The following EPB41L2 variants were observed in gnomAD, a reference collection of about 807,000 sequenced individuals.
EPB41L2 encodes erythrocyte membrane protein band 4.1 like 2, also known as band 4.1-like protein 2.
In EPB41L2, 43 loss-of-function variants were observed where a neutral mutation model predicts 113.0. That is an observed-to-expected ratio of 0.38 (90% CI 0.30 to 0.49). The LOEUF (loss-of-function observed/expected upper bound fraction) is 0.49, where lower values mean the gene tolerates loss of function less well. EPB41L2 is among the 20% of genes least tolerant of loss of function. The pLI is 0.95. For missense variants in EPB41L2, 1,147 were observed against 1,223.4 expected, an observed-to-expected ratio of 0.94 and a Z score of 0.93; for synonymous variants, 442 against 436.7, an observed-to-expected ratio of 1.01 and a Z score of -0.15.
At chr6:130,972,937 CAAAAAAAAAAAAAAAA>C (rs57293132) in intron 1 of EPB41L2, among the ~76,000 whole-genome samples, 1 of 59,528 alleles carries the variant, frequency 1.7e-5, no homozygotes, top group East Asian at 5.9e-4. Context: ...ACTAAAGATA[CAAAAAAAAAAAAAAAA>C]AAAAAAAAAA....
chr6:130,868,718 T>TGG (rs2128445602), intron 15 of EPB41L2: 1 of 152,298 alleles, frequency 6.6e-6, no homozygotes, highest in South Asian at 2.1e-4. Context: ...TCAAGAAATA[T>TGG]TCCCAAGGAA....
chr6:130,933,124 C>T (rs1807487759), intron 3 of EPB41L2, among the ~76,000 whole-genome samples: 1 of 152,232 alleles, frequency 6.6e-6, no homozygotes, highest in African/African-American at 2.4e-5. Context: ...CATACCTCAT[C>T]TTTATGCAGA....
intron 14 of EPB41L2, among the ~76,000 whole-genome samples, chr6:130,875,595 C>A (rs565678728): frequency 6.6e-6 from 1 of 152,258 alleles, no homozygotes; most frequent in East Asian, 1.9e-4. Context: ...CTCCTCCTGA[C>A]CACAATGACA....
intron 1 of EPB41L2, among the ~76,000 whole-genome samples, chr6:130,969,229 T>G (rs1037323819): frequency 6.7e-6 from 1 of 150,134 alleles, no homozygotes; most frequent in South Asian, 2.1e-4. Flanking sequence ...AAAAAAAAAA[T>G]GGAAAACTTA....
chr6:130,911,202 AG>A (rs1409169439), intron 4 of EPB41L2, among the ~76,000 whole-genome samples: 35 of 152,350 alleles, frequency 2.3e-4, no homozygotes, highest in African/African-American at 8.4e-4. Context: ...GCCATAAAAA[AG>A]GATGAGTTCA....
chr6:130,904,326 C>T, intron 6 of EPB41L2, 139 bp downstream of exon 6: 1 of 474,850 alleles, frequency 2.1e-6, no homozygotes, highest in Non-Finnish European at 3.8e-6. Flanking sequence ...TTTGGATGTA[C>T]CCATTTTCAA....
intron 1 of EPB41L2, among the ~76,000 whole-genome samples, chr6:131,024,359 G>A (rs1052070118): frequency 6.6e-6 from 1 of 152,130 alleles, no homozygotes; most frequent in Non-Finnish European, 1.5e-5. Context: ...TGCCAGGAAA[G>A]AGGTGTGTTC....
chr6:130,926,550 A>C (rs980665710), intron 4 of EPB41L2, 55 bp downstream of exon 4: 1 of 1,262,764 alleles, frequency 7.9e-7, no homozygotes, highest in African/African-American at 1.5e-5. Flanking sequence ...TAAACTGGTT[A>C]ATAAAAAAAT....
chr6:130,987,273 T>C (rs1780782306), intron 1 of EPB41L2, among the ~76,000 whole-genome samples: 1 of 152,194 alleles, frequency 6.6e-6, no homozygotes, highest in Admixed American at 6.5e-5. Flanking sequence ...GAATAATTAC[T>C]CTATGTTAAG....
chr6:130,882,600 A>G (rs577319018), intron 12 of EPB41L2: 1 of 152,704 alleles, frequency 6.5e-6, no homozygotes. Context: ...GCCTCCAGAT[A>G]GCAGAGGGAT....
At chr6:131,049,807 C>T (rs1241849794) in intron 1 of EPB41L2, among the ~76,000 whole-genome samples, 2 of 152,152 alleles carry the variant, frequency 1.3e-5, no homozygotes, top group Non-Finnish European at 2.9e-5. Flanking sequence ...CTTCAGGGCT[C>T]AAGACACAAA....
At chr6:131,031,517 TAATA>T (rs1443474942) in intron 1 of EPB41L2, among the ~76,000 whole-genome samples, 21 of 152,292 alleles carry the variant, frequency 1.4e-4, no homozygotes, top group African/African-American at 4.1e-4. Context: ...ATTTTACTAA[TAATA>T]AATTAAATCC....
intron 14 of EPB41L2, among the ~76,000 whole-genome samples, chr6:130,872,923 T>G (rs1287280408): frequency 6.6e-6 from 1 of 152,194 alleles, no homozygotes; most frequent in Non-Finnish European, 1.5e-5. Context: ...TGTTACAGCT[T>G]GGGCAGTCCT....
At chr6:130,904,401 C>A in intron 6 of EPB41L2, 64 bp downstream of exon 6, 3 of 1,187,368 alleles carry the variant, frequency 2.5e-6, no homozygotes, top group Non-Finnish European at 3.6e-6. Context: ...ACTATGCTCC[C>A]AGGGCACAAA....
intron 1 of EPB41L2, among the ~76,000 whole-genome samples, chr6:131,023,429 A>C (rs1033994861): frequency 3.3e-5 from 5 of 152,192 alleles, no homozygotes; most frequent in Admixed American, 2.0e-4. Flanking sequence ...TCACGCCTGT[A>C]ATCCCAGCAC....
intron 1 of EPB41L2, among the ~76,000 whole-genome samples, chr6:131,019,235 T>C (rs1788921734): frequency 6.6e-6 from 1 of 152,196 alleles, no homozygotes; most frequent in African/African-American, 2.4e-5. Context: ...TTTGTTAGAT[T>C]TGTTCCTAGG....
At chr6:130,878,362 C>G in intron 13 of EPB41L2, 112 bp from the exon 14 acceptor site, 1 of 1,226,214 alleles carries the variant, frequency 8.2e-7, no homozygotes, top group Non-Finnish European at 1.1e-6. Context: ...AAAAAAAAAA[C>G]CATAGTAAAG....
chr6:130,895,193 C>T (rs907186741), intron 8 of EPB41L2, 74 bp from the exon 9 acceptor site: 30 of 1,474,220 alleles, frequency 2.0e-5, no homozygotes, highest in Non-Finnish European at 2.6e-5. Context: ...AATTAGCTCC[C>T]TCAAATCATG....
intron 4 of EPB41L2, among the ~76,000 whole-genome samples, chr6:130,911,415 T>C (rs1799357353): frequency 6.6e-6 from 1 of 152,036 alleles, no homozygotes. Flanking sequence ...AAATACTTAA[T>C]GTAGATGACG....
Sources: gnomAD v4.1 joint callset for allele counts (sites outside exome capture counted in the v4.1 genomes callset) on GRCh38, gnomAD v4.1.1 for gene constraint, MANE v1.5 for transcripts, NCBI Gene and HGNC (gene_info 2026-07-23, HGNC 2026-07-21) for gene names.